UBE2E1: variants seen among roughly 807,000 people sequenced by gnomAD.
UBE2E1 encodes ubiquitin conjugating enzyme E2 E1.
In UBE2E1, 6 loss-of-function variants were observed where a neutral mutation model predicts 21.4. That is an observed-to-expected ratio of 0.28 (90% confidence interval 0.15 to 0.55). The LOEUF is 0.55. Ranked by LOEUF, UBE2E1 falls within the 20% of genes least tolerant of loss-of-function variation. UBE2E1 has a pLI of 0.93. For missense variants in UBE2E1, 142 were observed against 236.5 expected (o/e 0.60, Z 2.62); for synonymous variants, 87 against 82.7 (o/e 1.05, Z -0.28).
intron 3 of UBE2E1, among the ~76,000 whole-genome samples, chr3:23,825,569 A>G (rs1699740613): frequency 6.6e-6 from 1 of 152,210 alleles, no homozygotes; most frequent in Non-Finnish European, 1.5e-5. Context: ...ATTAAAATAG[A>G]GTAAAATGGC....
chr3:23,812,643 T>C (rs1041343232), intron 3 of UBE2E1, among the ~76,000 whole-genome samples: 1 of 152,256 alleles, frequency 6.6e-6, no homozygotes, highest in African/African-American at 2.4e-5. Context: ...GCTCTTAAAC[T>C]ATAGTTTATA....
rs1248154050 is a variant in UBE2E1, at chr3:23,808,395, T to C, written c.152+974T>C. 6.6e-6 allele frequency among the ~76,000 whole-genome samples: 1 copy of C among 152,144 alleles called. No homozygotes were observed. Among genetic ancestry groups the C allele is most frequent in the Non-Finnish European group, 1.5e-5 (1 of 68,032 alleles). ...TCCTTCTGCTCTCAGAGTTAGGCAG[T>C]TGTTAAAAAGGTGGCAAACCAGGAA... On this transcript the variant is annotated intron_variant, in intron 2 of 5. Coordinates refer to ENST00000306627, the MANE Select transcript of UBE2E1 (RefSeq NM_003341.5). This position sits in a 1 kb window ranked among gnomAD's most constrained non-coding sequence, Gnocchi z 4.9.
chr3:23,814,325 T>C (rs1231467307), intron 3 of UBE2E1, among the ~76,000 whole-genome samples: 1 of 152,246 alleles, frequency 6.6e-6, no homozygotes, highest in Non-Finnish European at 1.5e-5. Context: ...AAACATAAAA[T>C]TAAATTCTTA....
chr3:23,814,882 CAG>C (rs1699480285), intron 3 of UBE2E1, among the ~76,000 whole-genome samples: 1 of 152,228 alleles, frequency 6.6e-6, no homozygotes, highest in Non-Finnish European at 1.5e-5. Context: ...GTAAATGTCT[CAG>C]TGACTTAACC....
In UBE2E1 at chr3:23,863,824, C is replaced by T. The variant is rs1057214805; in HGVS notation, c.204-23743C>T. Among the ~76,000 whole-genome samples the T allele has an allele frequency of 1.3e-5, 2 of 152,114 alleles. No homozygotes were observed. Among genetic ancestry groups the T allele is most frequent in the African/African-American group, 4.8e-5 (2 of 41,402 alleles). On this transcript the variant is annotated intron_variant, in intron 3 of 5. Coordinates refer to ENST00000306627, the MANE Select transcript of UBE2E1 (RefSeq NM_003341.5). This position sits in a 1 kb window ranked among gnomAD's most constrained non-coding sequence, Gnocchi z 4.3. The stretch of plus-strand genomic sequence containing the variant: ...GGATTACAGGCGTGAACCACCGCGC[C>T]CAGCCTGAATTTTATCTTTTTTGAA...
At chr3:23,822,191 A>C (rs6768429) in intron 3 of UBE2E1, among the ~76,000 whole-genome samples, 31,643 of 152,130 alleles carry the variant, frequency 0.21, 3,410 homozygotes, top group Non-Finnish European at 0.23. Flanking sequence ...CCAGCAAGTA[A>C]CCACTAGATT....
At chr3:23,812,044 T>C (rs1323388948) in intron 3 of UBE2E1, among the ~76,000 whole-genome samples, 1 of 152,242 alleles carries the variant, frequency 6.6e-6, no homozygotes, top group African/African-American at 2.4e-5. Flanking sequence ...AGTTAAACTT[T>C]CATGGGGTGT....
Position 23,867,321 on chromosome 3 carries a change from G to C in UBE2E1, c.204-20246G>C, listed in dbSNP as rs530451127. Among the ~76,000 whole-genome samples the C allele has an allele frequency of 1.4e-4, 22 of 152,162 alleles. 1 individual carries two copies. Among genetic ancestry groups the C allele is most frequent in the Non-Finnish European group, 2.8e-4 (19 of 68,024 alleles). ...TCTTTGATTTATGTTGGTTCTTGGAGTGATACTTTAGATGTACAAATAGTA... is the reference window on the plus strand; with the variant it reads ...TCTTTGATTTATGTTGGTTCTTGGACTGATACTTTAGATGTACAAATAGTA... On this transcript the variant is annotated intron_variant, in intron 3 of 5. Coordinates refer to ENST00000306627, the MANE Select transcript of UBE2E1 (RefSeq NM_003341.5).
Position 23,823,454 on chromosome 3 carries a change from G to A in UBE2E1, c.203+11944G>A, listed in dbSNP as rs557605667. ...AATATGTGGAACCACAACTGTTTTG[G>A]CTACGTAGGAATTTTGCTCCACAAG... is the stretch of plus-strand genomic sequence containing the variant. On this transcript the variant is annotated intron_variant, in intron 3 of 5. Coordinates refer to ENST00000306627, the MANE Select transcript of UBE2E1 (RefSeq NM_003341.5). This position sits in a 1 kb window ranked among gnomAD's most constrained non-coding sequence, Gnocchi z 4.2. Among the ~76,000 whole-genome samples, 5 of 152,294 alleles carry A rather than the reference G, an allele frequency of 3.3e-5. No homozygotes were observed. The highest frequency in any genetic ancestry group is 1.2e-4 in the African/African-American group (5 of 41,558).
intron 3 of UBE2E1, among the ~76,000 whole-genome samples, chr3:23,873,171 C>T (rs1700839976): frequency 6.6e-6 from 1 of 152,094 alleles, no homozygotes; most frequent in Admixed American, 6.5e-5. Flanking sequence ...AGGAAAATCT[C>T]ACAGTACAAA....
intron 3 of UBE2E1, among the ~76,000 whole-genome samples, chr3:23,812,613 A>G (rs1035204256): frequency 6.6e-6 from 1 of 152,248 alleles, no homozygotes; most frequent in East Asian, 1.9e-4. Context: ...TTGTAAGGAA[A>G]GTCATTTTGA....
chr3:23,833,714 T>A (rs1699916202), intron 3 of UBE2E1, among the ~76,000 whole-genome samples: 1 of 152,252 alleles, frequency 6.6e-6, no homozygotes, highest in African/African-American at 2.4e-5. Flanking sequence ...ATGCCAAAAG[T>A]GGCTGGGCGT....
At position 23,889,650 on chromosome 3, in the gene UBE2E1, T is replaced by C. The variant is rs72627060; in HGVS notation, c.484+391T>C. 2.2e-3 allele frequency: 2,152 copies of C among 985,368 alleles called. 37 individuals carry two copies. In the East Asian group the frequency reaches 0.048, roughly 22 times the overall value. The allele number at this position is 985,368 out of a possible 1,614,324, so 61.0% of individuals were successfully genotyped here. A position where few individuals can be genotyped will look rare whatever the true frequency, so the allele number is the denominator to read the frequency against. On this transcript the variant is annotated intron_variant, in intron 5 of 5. Transcript: ENST00000306627. Reference sequence around the variant, plus strand: ...GCCTCTGGGGTTCAGTGAGCATGTGTCCCATAGCTGGTCACTGAGATGGCA... The same window carrying C: ...GCCTCTGGGGTTCAGTGAGCATGTGCCCCATAGCTGGTCACTGAGATGGCA...
intron 5 of UBE2E1, 108 bp downstream of exon 5, chr3:23,889,367 T>C (rs2125332982): frequency 6.4e-7 from 1 of 1,558,062 alleles, no homozygotes; most frequent in Admixed American, 2.0e-5. Flanking sequence ...AGTTTGTGAA[T>C]ACAAAAACTA....
In UBE2E1 at chr3:23,870,374, A is replaced by C. The variant is rs1575029576; in HGVS notation, c.204-17193A>C. ...CCATATTCAGAGGGAGGGGAATTAGACTCTGCCTCTTTGAGCAGTTTCAAA... is the reference window on the plus strand; with the variant it reads ...CCATATTCAGAGGGAGGGGAATTAGCCTCTGCCTCTTTGAGCAGTTTCAAA... On this transcript the variant is annotated intron_variant, in intron 3 of 5. Coordinates refer to ENST00000306627, the MANE Select transcript of UBE2E1 (RefSeq NM_003341.5). This position sits in a 1 kb window ranked among gnomAD's most constrained non-coding sequence, Gnocchi z 4.2. 6.6e-6 allele frequency among the ~76,000 whole-genome samples: 1 copy of C among 152,182 alleles called. No homozygotes were observed. The highest frequency in any genetic ancestry group is 1.9e-4 in the East Asian group (1 of 5,200).
chr3:23,812,994 T>TA (rs11371794), intron 3 of UBE2E1, among the ~76,000 whole-genome samples: 31,452 of 148,018 alleles, frequency 0.21, 3,256 homozygotes, highest in Admixed American at 0.27. Context: ...ATTAAGCATT[T>TA]AAAAAAAAAA....
At chr3:23,858,640 A>C (rs1257800938) in intron 3 of UBE2E1, among the ~76,000 whole-genome samples, 1 of 152,196 alleles carries the variant, frequency 6.6e-6, no homozygotes, top group African/African-American at 2.4e-5. Context: ...TGACAATGGA[A>C]GACAAACCTT....
In UBE2E1 at chr3:23,890,689, A is replaced by G. The variant is rs772392150; in HGVS notation, c.*83A>G. 9.8e-5 allele frequency: 117 copies of G among 1,190,262 alleles called. No individual in the cohort carries two copies. Among genetic ancestry groups the G allele is most frequent in the Non-Finnish European group, 1.1e-4 (95 of 841,654 alleles). The allele number at this position is 1,190,262 out of a possible 1,614,324, so 73.7% of individuals were successfully genotyped here. ...TTTTGAAGGGGTCAGGGAGGGTGGG[A>G]GTTGGTAAAGAGTAGGGTATTTCTA... On this transcript the variant is annotated 3_prime_UTR_variant, in exon 6 of 6. Transcript: ENST00000306627.
chr3:23,832,020 A>G (rs886686083), intron 3 of UBE2E1, among the ~76,000 whole-genome samples: 1 of 152,264 alleles, frequency 6.6e-6, no homozygotes, highest in Non-Finnish European at 1.5e-5. Context: ...ACTTTTTTCT[A>G]AAGGAAGAAA....
Sources: allele counts gnomAD v4.1 joint callset (sites outside exome capture counted in the v4.1 genomes callset), GRCh38; gene constraint gnomAD v4.1.1; non-coding constraint Gnocchi (gnomAD v3.1); transcripts MANE v1.5; gene names NCBI Gene and HGNC (gene_info 2026-07-23, HGNC 2026-07-21).